The following ENOSF1 variants were observed in gnomAD, a reference collection of about 807,000 sequenced individuals.
ENOSF1 encodes the protein enolase superfamily member 1.
In ENOSF1, 73 loss-of-function variants were observed where a neutral mutation model predicts 68.2. The ratio of observed to expected loss-of-function variants is 1.07; its 90% confidence interval spans 0.89 to 1.30. The LOEUF (loss-of-function observed/expected upper bound fraction) is 1.30. ENOSF1 is among the 50% of genes most tolerant of loss of function. The pLI is 0.00. For missense variants in ENOSF1, 589 were observed against 554.5 expected (o/e 1.06, Z -0.62); for synonymous variants, 223 against 210.4 (o/e 1.06, Z -0.52).
rs575702611 is a variant in ENOSF1 at position 694,192 on chromosome 18, A to G, written c.396+56T>C. ...GTCTGTCTTTCCTCTGTGCGTAGGG[A>G]AAGTCAGTGTCGTACAGCTCCCAGG... On this transcript the variant is annotated intron_variant, in intron 4 of 15. Transcript: ENST00000647584. 3.5e-3 allele frequency: 5,426 copies of G among 1,529,894 alleles called. 18 individuals are homozygous for G. The highest frequency in any genetic ancestry group is 4.4e-3 in the Non-Finnish European group (4,824 of 1,108,614). The allele number at this position is 1,529,894 out of a possible 1,614,324, so 94.8% of individuals were successfully genotyped here. A position where few individuals can be genotyped will look rare whatever the true frequency, so the allele number is the denominator to read the frequency against.
rs142575233 is a variant in ENOSF1 at position 690,565 on chromosome 18, T to C, written c.602A>G (p.Asp201Gly). ...AATGCCCACCTGCTTCAACGTGTCATCTGAGTACCCCAGCCAGGCGCACGA... is the reference window on the plus strand; with the variant it reads ...AATGCCCACCTGCTTCAACGTGTCACCTGAGTACCCCAGCCAGGCGCACGA... Reference protein sequence around the residue: ...TTSCAWLGYSDDTLKQLCAQA... With the variant: ...TTSCAWLGYSGDTLKQLCAQA... The change falls in exon 8 of 16, where the codon GAT becomes GGT. Residue 201 changes from aspartate to glycine, a missense_variant. Physicochemically the swap from Asp to Gly is moderately conservative, Grantham distance 94. Coordinates refer to ENST00000647584, the MANE Select transcript of ENOSF1 (RefSeq NM_017512.7). 5 of 1,614,010 alleles carry C rather than the reference T, an allele frequency of 3.1e-6. No homozygotes were observed. In the African/African-American group the frequency reaches 4.0e-5, roughly 13 times the overall value.
chr18:667,011 TGATGGAGATGGA>T (rs1295681564), downstream of ENOSF1, among the ~76,000 whole-genome samples: 436 of 5,848 alleles, frequency 0.075, 112 homozygotes, highest in Non-Finnish European at 0.11. Context: ...ATGGTGATGG[TGATGGAGATGGA>T]GATGGTGATG....
chr18:667,101 A>C (rs199888458), downstream of ENOSF1, among the ~76,000 whole-genome samples: 4 of 18,284 alleles, frequency 2.2e-4, no homozygotes, highest in African/African-American at 7.2e-4. Context: ...ATGGAGATGG[A>C]GATGGAGATG....
intron 2 of ENOSF1, among the ~76,000 whole-genome samples, chr18:698,912 G>A (rs945025410): frequency 1.3e-5 from 2 of 152,032 alleles, no homozygotes; most frequent in Non-Finnish European, 2.9e-5. Context: ...CTGAGACACT[G>A]CACCCAGCAC....
Position 712,313 on chromosome 18 carries a change from C to T in ENOSF1, c.84+191G>A, listed in dbSNP as rs1400371004. 13 of 1,477,860 alleles carry T rather than the reference C, an allele frequency of 8.8e-6. 4 individuals carry two copies. The highest frequency in any genetic ancestry group is 2.4e-5 in the South Asian group (2 of 82,392). 91.5% of individuals were successfully genotyped at this position (1,477,860 alleles called of 1,614,324 possible). ...GGGAAGCTGCCCGGGGCCCGCAGAG[C>T]TGCAGTCGGCGGGGCGGGAGGGACC... On this transcript the variant is annotated intron_variant, in intron 1 of 15. Coordinates refer to ENST00000647584, the MANE Select transcript of ENOSF1 (RefSeq NM_017512.7).
At chr18:710,534 G>T (rs557353449) in intron 1 of ENOSF1, among the ~76,000 whole-genome samples, 4 of 151,930 alleles carry the variant, frequency 2.6e-5, no homozygotes, top group African/African-American at 9.7e-5. Context: ...TAGAAACAGG[G>T]TCTCACTGTG....
At chr18:693,977 G>A (rs2305995) in intron 4 of ENOSF1, 69 bp from the exon 5 acceptor site, 359,983 of 1,543,968 alleles carry the variant, frequency 0.23, 48,238 homozygotes, top group East Asian at 0.58. Flanking sequence ...GACAGTAAAC[G>A]CGTTGGCAGC....
chr18:670,848 C>T lies in ENOSF1; in HGVS notation c.*3457G>A, dbSNP rs866542441. On this transcript the variant is annotated 3_prime_UTR_variant, in exon 16 of 16. Transcript: ENST00000647584. ...TACGCCCTGCTCACGTACATGATTGCGCACATCACGGGCCTGAAGGTGGGC... is the reference window on the plus strand; with the variant it reads ...TACGCCCTGCTCACGTACATGATTGTGCACATCACGGGCCTGAAGGTGGGC... The T allele has an allele frequency of 3.7e-6, 6 of 1,613,950 alleles. No individual in the cohort carries two copies. Among genetic ancestry groups the T allele is most frequent in the Admixed American group, 1.7e-5 (1 of 59,984 alleles).
At chr18:677,913 C>A in intron 12 of ENOSF1, 41 bp from the exon 13 acceptor site, 1 of 1,594,152 alleles carries the variant, frequency 6.3e-7, no homozygotes, top group Non-Finnish European at 8.5e-7. Flanking sequence ...GAAGAGTCAG[C>A]CTTGGCCTTC....
At position 699,836 on chromosome 18, in the gene ENOSF1, T is replaced by C. The variant is rs527344638; in HGVS notation, c.194-2481A>G. 2.6e-5 allele frequency among the ~76,000 whole-genome samples: 4 copies of C among 152,204 alleles called. No individual in the cohort carries two copies. In the South Asian group the frequency reaches 8.3e-4, roughly 31 times the overall value. On this transcript the variant is annotated intron_variant, in intron 2 of 15. Transcript: ENST00000647584. ...GGCTCACGTCTGTAATCCTAGCACT[T>C]TGGGAGGCCAAGGCCGGTGGATTGC...
downstream of ENOSF1, chr18:667,613 AGATGGGT>A (rs1164295086): frequency 3.6e-4 from 35 of 97,558 alleles, 13 homozygotes; most frequent in African/African-American, 1.7e-3. Flanking sequence ...ATGGTGATGG[AGATGGGT>A]GATGGTGATG....
At chr18:678,900 G>A (rs935763233) in intron 11 of ENOSF1, among the ~76,000 whole-genome samples, 163 bp from the exon 12 acceptor site, 2 of 152,226 alleles carry the variant, frequency 1.3e-5, no homozygotes, top group Non-Finnish European at 2.9e-5. Flanking sequence ...GCGTGCGGGA[G>A]GGCTCTGTGT....
At chr18:703,137 A>G (rs2078549367) in intron 2 of ENOSF1, among the ~76,000 whole-genome samples, 1 of 152,220 alleles carries the variant, frequency 6.6e-6, no homozygotes, top group South Asian at 2.1e-4. Context: ...CCCTTAGCAC[A>G]AAAGAGTCAT....
rs1242946935 is a variant in ENOSF1 at position 677,394 on chromosome 18, G to A, written c.1099C>T (p.His367Tyr). The A allele has an allele frequency of 6.2e-7, 1 of 1,613,652 alleles. No homozygotes were observed. Among genetic ancestry groups the A allele is most frequent in the East Asian group, 2.2e-5 (1 of 44,890 alleles). The change falls in exon 14 of 16, where the codon CAC becomes TAC. Residue 367 changes from histidine to tyrosine, a missense_variant. Physicochemically the swap from His to Tyr is moderately conservative, Grantham distance 83. Coordinates refer to ENST00000647584, the MANE Select transcript of ENOSF1 (RefSeq NM_017512.7). Reference sequence around the variant, plus strand: ...GATATGTAGTCAAATATAATCAGGTGCTGCACCAGTTCACAGAGGCCAACT... The same window carrying A: ...GATATGTAGTCAAATATAATCAGGTACTGCACCAGTTCACAGAGGCCAACT... ...GGVGLCELVQ[H>Y]LIIFDYISVS...
At chr18:686,269 A>G in intron 9 of ENOSF1, 1 of 432,160 alleles carries the variant, frequency 2.3e-6, no homozygotes, top group Non-Finnish European at 4.1e-6. Flanking sequence ...GGTCTTTAAT[A>G]TAATTAACTC....
intron 4 of ENOSF1, 114 bp from the exon 5 acceptor site, chr18:694,022 C>G: frequency 1.7e-6 from 2 of 1,203,820 alleles, no homozygotes; most frequent in East Asian, 2.5e-5. Context: ...GGTCCCCACA[C>G]CCCCCTCTAC....
intron 2 of ENOSF1, among the ~76,000 whole-genome samples, chr18:699,848 G>A (rs1568114168): frequency 6.6e-6 from 1 of 152,258 alleles, no homozygotes; most frequent in Non-Finnish European, 1.5e-5. Flanking sequence ...GGGAGGCCAA[G>A]GCCGGTGGAT....
At chr18:693,835 T>C in intron 5 of ENOSF1, 47 bp downstream of exon 5, 2 of 1,612,028 alleles carry the variant, frequency 1.2e-6, no homozygotes, top group South Asian at 1.1e-5. Context: ...ATCAATGATA[T>C]CCATTTCATT....
chr18:693,903 G>C lies in ENOSF1; in HGVS notation c.402C>G (p.Val134=), dbSNP rs1259365109. 5.0e-6 allele frequency: 8 copies of C among 1,613,888 alleles called. No individual in the cohort carries two copies. The African/African-American group carries it at 9.3e-5, about 19-fold the overall frequency. The change falls in exon 5 of 16, where the codon GTC becomes GTG. Residue 134 remains valine, a synonymous_variant. Coordinates refer to ENST00000647584, the MANE Select transcript of ENOSF1 (RefSeq NM_017512.7). ...TCACCATGTCCACAAGTAACTTCCA[G>C]ACAGGCTTGAAGTAAAAAAGAAAGG... is the stretch of plus-strand genomic sequence containing the variant. ...DLWAKQEGKP[V]WKLLVDMDPR...
Sources: gnomAD v4.1 joint callset for allele counts (sites outside exome capture counted in the v4.1 genomes callset) on GRCh38, gnomAD v4.1.1 for gene constraint, MANE v1.5 for transcripts, NCBI Gene and HGNC (gene_info 2026-07-23, HGNC 2026-07-21) for gene names.